The following SLC35F3 variants were observed in gnomAD, a reference collection of about 807,000 sequenced individuals.
SLC35F3 encodes putative thiamine transporter SLC35F3.
In SLC35F3, 25 loss-of-function variants were observed where a neutral mutation model predicts 49.9. The ratio of observed to expected loss-of-function variants is 0.50; its 90% CI spans 0.37 to 0.70. The LOEUF (loss-of-function observed/expected upper bound fraction) is 0.70, where lower values mean the gene tolerates loss of function less well. SLC35F3 is among the 30% of genes least tolerant of loss of function. The pLI is 0.00. For synonymous variants in SLC35F3, 275 were observed against 265.4 expected, an observed-to-expected ratio of 1.04 and a Z score of -0.35; for missense variants, 525 against 639.8, an observed-to-expected ratio of 0.82 and a Z score of 1.94.
At chr1:234,112,826 C>T (rs946635842) in intron 2 of SLC35F3, among the ~76,000 whole-genome samples, 1 of 148,632 alleles carries the variant, frequency 6.7e-6, no homozygotes, top group Non-Finnish European at 1.5e-5. Flanking sequence ...CCACCCTCCT[C>T]GGCCTCCCAA....
chr1:233,922,383 T>C (rs920316203), intron 2 of SLC35F3, among the ~76,000 whole-genome samples: 42 of 152,152 alleles, frequency 2.8e-4, no homozygotes, highest in Non-Finnish European at 5.1e-4. Flanking sequence ...TGCATTTCTC[T>C]GATGGCCAGT....
chr1:234,072,950 A>G (rs1664740031), intron 2 of SLC35F3, among the ~76,000 whole-genome samples: 1 of 152,164 alleles, frequency 6.6e-6, no homozygotes, highest in African/African-American at 2.4e-5. Flanking sequence ...GGCAAAGCAG[A>G]TGGTGGGAGG....
chr1:233,915,594 A>G (rs1450968003), intron 2 of SLC35F3, among the ~76,000 whole-genome samples: 1 of 152,218 alleles, frequency 6.6e-6, no homozygotes, highest in Non-Finnish European at 1.5e-5. Context: ...AAGGAATAGA[A>G]TGATGATGGC....
intron 2 of SLC35F3, among the ~76,000 whole-genome samples, chr1:233,937,927 G>A (rs1662359999): frequency 6.6e-6 from 1 of 152,150 alleles, no homozygotes; most frequent in Non-Finnish European, 1.5e-5. Flanking sequence ...ACTTGTTAAT[G>A]TTCAGGTAGT....
chr1:234,239,099 C>T (rs962162134), intron 3 of SLC35F3, among the ~76,000 whole-genome samples: 2 of 152,160 alleles, frequency 1.3e-5, no homozygotes, highest in Admixed American at 6.5e-5. Flanking sequence ...CTGGAATTAT[C>T]AACAAGGGAT....
intron 2 of SLC35F3, among the ~76,000 whole-genome samples, chr1:233,937,710 T>A (rs1283727053): frequency 2.6e-5 from 4 of 152,214 alleles, no homozygotes. Flanking sequence ...GAGAAGGGAC[T>A]GAAAGCATTG....
chr1:234,261,201 A>G lies in SLC35F3; in HGVS notation c.608+29460A>G, dbSNP rs538176083. On this transcript the variant is annotated intron_variant, in intron 3 of 7. Transcript: ENST00000366618. ...TGGATCTCATGCAAGAAAGAATTAGAGGTGAGTTTACAGAATAAAGTGAAA... is the reference window on the plus strand; with the variant it reads ...TGGATCTCATGCAAGAAAGAATTAGGGGTGAGTTTACAGAATAAAGTGAAA... Among the ~76,000 whole-genome samples the G allele has an allele frequency of 4.6e-5, 7 of 152,280 alleles. No individual in the cohort carries two copies. In the South Asian group the frequency reaches 1.5e-3, roughly 32 times the overall value.
intron 2 of SLC35F3, among the ~76,000 whole-genome samples, chr1:234,228,927 TGAA>T (rs1357576339): frequency 6.6e-6 from 1 of 152,218 alleles, no homozygotes; most frequent in Non-Finnish European, 1.5e-5. Context: ...TTTAGCAGTA[TGAA>T]GAATGAGGTA....
chr1:234,260,362 A>G, intron 3 of SLC35F3, among the ~76,000 whole-genome samples: 1 of 152,200 alleles, frequency 6.6e-6, no homozygotes, highest in East Asian at 1.9e-4. Context: ...AAAAAAGAGA[A>G]AAAACTACTT....
At chr1:234,224,097 C>T (rs1211314388) in intron 2 of SLC35F3, among the ~76,000 whole-genome samples, 1 of 151,948 alleles carries the variant, frequency 6.6e-6, no homozygotes. Flanking sequence ...CAGGGTCTCA[C>T]TCCTATGCCC....
At chr1:234,065,735 C>A (rs1664607375) in intron 2 of SLC35F3, among the ~76,000 whole-genome samples, 1 of 152,158 alleles carries the variant, frequency 6.6e-6, no homozygotes, top group East Asian at 1.9e-4. Flanking sequence ...TACACCTTAA[C>A]CACAGTAATT....
At chr1:234,110,049 G>T (rs997710351) in intron 2 of SLC35F3, among the ~76,000 whole-genome samples, 3 of 152,146 alleles carry the variant, frequency 2.0e-5, no homozygotes, top group Non-Finnish European at 4.4e-5. Flanking sequence ...GTGAAGGATG[G>T]AAAGCGAAGG....
intron 3 of SLC35F3, among the ~76,000 whole-genome samples, chr1:234,267,230 G>T (rs529265127): frequency 9.8e-4 from 119 of 121,714 alleles, no homozygotes; most frequent in South Asian, 4.4e-3. Context: ...CAAGGCAGAA[G>T]AATTTTTCTT....
chr1:233,948,228 G>GGAGAGA (rs150190453), intron 2 of SLC35F3, among the ~76,000 whole-genome samples: 84 of 107,674 alleles, frequency 7.8e-4, no homozygotes, highest in Middle Eastern at 5.3e-3. Flanking sequence ...AGGGAGAGAG[G>GGAGAGA]GAGAGAGAGA....
At chr1:234,018,896 C>A (rs748816259) in intron 2 of SLC35F3, among the ~76,000 whole-genome samples, 1 of 152,158 alleles carries the variant, frequency 6.6e-6, no homozygotes, top group Non-Finnish European at 1.5e-5. Flanking sequence ...GTTGGGTGTG[C>A]GCACTGAGTA....
At chr1:234,243,670 T>G (rs1667589623) in intron 3 of SLC35F3, among the ~76,000 whole-genome samples, 1 of 151,970 alleles carries the variant, frequency 6.6e-6, no homozygotes, top group Non-Finnish European at 1.5e-5. Flanking sequence ...CTCTCAGGAG[T>G]CCTAAGCAAG....
chr1:234,088,920 C>T (rs1474597640), intron 2 of SLC35F3, among the ~76,000 whole-genome samples: 1 of 152,020 alleles, frequency 6.6e-6, no homozygotes, highest in Admixed American at 6.5e-5. Flanking sequence ...CACCACCACA[C>T]CCAGCTAATT....
rs184919832 is a variant in SLC35F3 at position 233,924,291 on chromosome 1, C to G, written c.283+18533C>G. Among the ~76,000 whole-genome samples, 1,272 of 152,096 alleles carry G rather than the reference C, an allele frequency of 8.4e-3. 5 individuals carry two copies. Among genetic ancestry groups the G allele is most frequent in the Non-Finnish European group, 0.013 (867 of 67,948 alleles). On this transcript the variant is annotated intron_variant, in intron 2 of 7. Transcript: ENST00000366618. ...TCTGGTCCTACAGTTTTTTTGGTTG[C>G]TATGCTATTAATTATTGCCTCAATT...
chr1:234,182,053 A>AT (rs987110765), intron 2 of SLC35F3, among the ~76,000 whole-genome samples: 1 of 152,166 alleles, frequency 6.6e-6, no homozygotes, highest in Admixed American at 6.5e-5. Context: ...AAAGGAATTA[A>AT]TTTTTTCCTT....
Sources: gnomAD v4.1 joint callset for allele counts (sites outside exome capture counted in the v4.1 genomes callset) on GRCh38, gnomAD v4.1.1 for gene constraint, MANE v1.5 for transcripts, NCBI Gene and HGNC (gene_info 2026-07-23, HGNC 2026-07-21) for gene names.